The following SUGCT variants were observed in gnomAD, a reference collection of about 807,000 sequenced individuals.
The protein encoded by SUGCT is succinyl-CoA:glutarate-CoA transferase.
A neutral mutation model predicts 55.0 loss-of-function variants in SUGCT; 41 were observed. That is an observed-to-expected ratio of 0.74 (90% CI 0.58 to 0.97). The LOEUF is 0.97. SUGCT is among the 50% of genes least tolerant of loss of function. The pLI, the probability that SUGCT is intolerant of heterozygous loss-of-function variation, is 0.00. For synonymous variants in SUGCT, 187 were observed against 200.4 expected, an observed-to-expected ratio of 0.93 and a Z score of 0.56; for missense variants, 568 against 547.8, an observed-to-expected ratio of 1.04 and a Z score of -0.37.
the SUGCT span, among the ~76,000 whole-genome samples, chr7:40,990,819 G>C: frequency 6.6e-6 from 1 of 152,082 alleles, no homozygotes; most frequent in Non-Finnish European, 1.5e-5. Context: ...TATCCAACCT[G>C]TGCTAGCTTC....
intron 12 of SUGCT, among the ~76,000 whole-genome samples, chr7:40,723,124 A>G (rs1409776755): frequency 6.6e-6 from 1 of 152,130 alleles, no homozygotes; most frequent in Non-Finnish European, 1.5e-5. Flanking sequence ...ACTGGAGGTC[A>G]TACTATTTCA....
At chr7:40,489,019 G>A (rs1791537230) in intron 11 of SUGCT, among the ~76,000 whole-genome samples, 1 of 152,036 alleles carries the variant, frequency 6.6e-6, no homozygotes, top group South Asian at 2.1e-4. Context: ...CTCCAGGCTT[G>A]GGAGGTTTCC....
At chr7:40,870,004 C>T in the SUGCT span, among the ~76,000 whole-genome samples, 4 of 152,090 alleles carry the variant, frequency 2.6e-5, no homozygotes, top group African/African-American at 9.7e-5. Context: ...TACAAGTTCC[C>T]CTTAAAAGTC....
chr7:40,998,139 G>A, the SUGCT span, among the ~76,000 whole-genome samples: 1 of 152,230 alleles, frequency 6.6e-6, no homozygotes, highest in African/African-American at 2.4e-5. Context: ...GACTGAGGTG[G>A]GCAGAACACC....
the SUGCT span, among the ~76,000 whole-genome samples, chr7:40,872,513 A>C: frequency 6.6e-6 from 1 of 152,204 alleles, no homozygotes; most frequent in Non-Finnish European, 1.5e-5. Context: ...TCTTAATATA[A>C]TTAGAGAACT....
the SUGCT span, among the ~76,000 whole-genome samples, chr7:40,876,355 T>C: frequency 2.6e-5 from 4 of 152,130 alleles, no homozygotes; most frequent in African/African-American, 7.2e-5. Context: ...CATGTGCACA[T>C]AGGAAGTCAG....
At chr7:40,799,522 C>T (rs754894366) in intron 13 of SUGCT, among the ~76,000 whole-genome samples, 4 of 152,190 alleles carry the variant, frequency 2.6e-5, no homozygotes, top group East Asian at 1.9e-4. Context: ...ACATGTGAAA[C>T]GCTTTACCAT....
At chr7:40,816,283 G>A (rs1791666020) in intron 13 of SUGCT, among the ~76,000 whole-genome samples, 1 of 152,222 alleles carries the variant, frequency 6.6e-6, no homozygotes. Context: ...GACTTTATGT[G>A]GTCCTGCATT....
chr7:40,150,219 C>T (rs1004071997), intron 1 of SUGCT, among the ~76,000 whole-genome samples: 16 of 152,250 alleles, frequency 1.1e-4, no homozygotes, highest in Non-Finnish European at 2.1e-4. Flanking sequence ...CAGCTGGCCC[C>T]ACCTAGATCA....
At chr7:40,684,045 G>C in intron 12 of SUGCT, 1 of 1,612,218 alleles carries the variant, frequency 6.2e-7, no homozygotes, top group South Asian at 1.1e-5. Flanking sequence ...TTCTTTGCTG[G>C]TTGTCAATAG....
the SUGCT span, among the ~76,000 whole-genome samples, chr7:41,016,746 TCTC>T: frequency 1.3e-5 from 2 of 152,182 alleles, no homozygotes; most frequent in Admixed American, 1.3e-4. Flanking sequence ...ATTTCATTGT[TCTC>T]CTCCAGATTT....
intron 13 of SUGCT, among the ~76,000 whole-genome samples, chr7:40,752,103 C>A (rs572306544): frequency 6.6e-6 from 1 of 152,172 alleles, no homozygotes; most frequent in Non-Finnish European, 1.5e-5. Flanking sequence ...TTATCCCATG[C>A]ATGTGGATTA....
intron 13 of SUGCT, among the ~76,000 whole-genome samples, chr7:40,804,587 C>G (rs1436733262): frequency 6.6e-6 from 1 of 151,438 alleles, no homozygotes; most frequent in African/African-American, 2.4e-5. Flanking sequence ...AAAAAAAATA[C>G]TTTCAATGCA....
chr7:40,189,504 C>T (rs1584295223), intron 4 of SUGCT, 40 bp from the exon 5 acceptor site: 3 of 709,138 alleles, frequency 4.2e-6, no homozygotes, highest in Non-Finnish European at 5.8e-6. Context: ...GTGTTTTGGT[C>T]ATCGAAATAA....
At chr7:40,146,016 T>G (rs892520892) in intron 1 of SUGCT, among the ~76,000 whole-genome samples, 2 of 152,210 alleles carry the variant, frequency 1.3e-5, no homozygotes, top group African/African-American at 2.4e-5. Context: ...TAAGAGAATT[T>G]TCAGTGGTTA....
intron 9 of SUGCT, among the ~76,000 whole-genome samples, chr7:40,429,091 G>C (rs1250207161): frequency 6.7e-6 from 1 of 150,218 alleles, no homozygotes; most frequent in East Asian, 2.0e-4. Flanking sequence ...AGTGAAGCAA[G>C]TTAACATATC....
chr7:40,821,555 G>T (rs1354034901), intron 13 of SUGCT, among the ~76,000 whole-genome samples: 1 of 152,196 alleles, frequency 6.6e-6, no homozygotes, highest in Non-Finnish European at 1.5e-5. Context: ...TTTGCGTAGA[G>T]GTGTTTATAA....
chr7:40,625,697 A>G (rs369862019), intron 12 of SUGCT, among the ~76,000 whole-genome samples: 6 of 152,304 alleles, frequency 3.9e-5, no homozygotes, highest in Admixed American at 2.0e-4. Context: ...CTATTAAAAT[A>G]AATTTATTAA....
chr7:40,188,449 A>C (rs1016385031), intron 3 of SUGCT, 46 bp from the exon 4 acceptor site: 4 of 1,335,654 alleles, frequency 3.0e-6, no homozygotes, highest in Middle Eastern at 2.2e-4. Flanking sequence ...AAAAAAAAAA[A>C]AAAAAACAAA....
Sources: gnomAD v4.1 joint callset for allele counts (sites outside exome capture counted in the v4.1 genomes callset) on GRCh38, gnomAD v4.1.1 for gene constraint, MANE v1.5 for transcripts, NCBI Gene and HGNC (gene_info 2026-07-23, HGNC 2026-07-21) for gene names.